Variants in PTPRT observed in about 807,000 individuals in gnomAD.
The protein encoded by PTPRT is receptor-type tyrosine-protein phosphatase T.
Under a neutral mutation model 176.8 loss-of-function variants are expected in PTPRT, and 56 were observed. That is an observed-to-expected ratio of 0.32 (90% CI 0.26 to 0.40). PTPRT has a LOEUF of 0.40. Ranked by LOEUF, PTPRT falls within the 10% of genes least tolerant of loss-of-function variation. The pLI is 1.00. For synonymous variants in PTPRT, 783 were observed against 739.0 expected, an observed-to-expected ratio of 1.06 and a Z score of -0.96; for missense variants, 1,540 against 1,908.2, an observed-to-expected ratio of 0.81 and a Z score of 3.60.
At chr20:43,166,861 TC>T (rs2014872789) in intron 1 of PTPRT, among the ~76,000 whole-genome samples, 1 of 152,206 alleles carries the variant, frequency 6.6e-6, no homozygotes, top group Non-Finnish European at 1.5e-5. Flanking sequence ...GTTTCTCCCT[TC>T]CCATCAATTC....
At chr20:43,013,900 T>C (rs931190751) in intron 1 of PTPRT, among the ~76,000 whole-genome samples, 2 of 152,212 alleles carry the variant, frequency 1.3e-5, no homozygotes, top group Admixed American at 1.3e-4. Context: ...GTTCCTGATC[T>C]ATGACATGAG....
chr20:42,407,123 C>G, intron 9 of PTPRT, among the ~76,000 whole-genome samples: 1 of 152,114 alleles, frequency 6.6e-6, no homozygotes, highest in East Asian at 1.9e-4. Context: ...TATGGGCGTA[C>G]CAATCAGAGA....
chr20:42,794,981 G>A (rs372708829), intron 2 of PTPRT, among the ~76,000 whole-genome samples: 13 of 152,194 alleles, frequency 8.5e-5, no homozygotes, highest in Admixed American at 2.6e-4. Context: ...GAGCTCAAGC[G>A]CGCCACTAGA....
intron 11 of PTPRT, among the ~76,000 whole-genome samples, chr20:42,320,798 A>G (rs567929164): frequency 6.6e-6 from 1 of 152,298 alleles, no homozygotes. Flanking sequence ...TTGAACCTCC[A>G]GTGCTGGTCA....
intron 7 of PTPRT, among the ~76,000 whole-genome samples, chr20:42,489,591 A>G (rs920745614): frequency 6.6e-6 from 1 of 152,014 alleles, no homozygotes; most frequent in African/African-American, 2.4e-5. Flanking sequence ...GTGTTCTTAG[A>G]AAATGCATCC....
intron 7 of PTPRT, among the ~76,000 whole-genome samples, chr20:42,648,545 C>T (rs1053040867): frequency 1.3e-5 from 2 of 152,080 alleles, no homozygotes; most frequent in African/African-American, 2.4e-5. Flanking sequence ...CCTAGGCCCC[C>T]GAATGTGACT....
chr20:42,103,075 T>C (rs913445984), intron 25 of PTPRT, among the ~76,000 whole-genome samples: 2 of 152,234 alleles, frequency 1.3e-5, no homozygotes, highest in Non-Finnish European at 2.9e-5. Flanking sequence ...GCCCACTGAC[T>C]TGAAGCAAGA....
At chr20:43,021,486 G>A (rs1790579335) in intron 1 of PTPRT, among the ~76,000 whole-genome samples, 1 of 152,100 alleles carries the variant, frequency 6.6e-6, no homozygotes, top group Non-Finnish European at 1.5e-5. Context: ...TCAGTTGGAT[G>A]GGGTAGGTCA....
intron 1 of PTPRT, among the ~76,000 whole-genome samples, chr20:43,119,413 A>G (rs2013175943): frequency 6.6e-6 from 1 of 152,070 alleles, no homozygotes; most frequent in African/African-American, 2.4e-5. Flanking sequence ...CTATTGTTCT[A>G]TTTTATTCAT....
At chr20:42,884,611 G>T (rs934479191) in intron 2 of PTPRT, among the ~76,000 whole-genome samples, 5 of 152,098 alleles carry the variant, frequency 3.3e-5, no homozygotes, top group Non-Finnish European at 5.9e-5. Flanking sequence ...CCATGGGAGT[G>T]GTTGAGGCCA....
At chr20:42,536,485 T>C (rs910524139) in intron 7 of PTPRT, among the ~76,000 whole-genome samples, 3 of 152,202 alleles carry the variant, frequency 2.0e-5, no homozygotes, top group African/African-American at 7.2e-5. Flanking sequence ...TACTCTACCG[T>C]AGCACATTTG....
downstream of PTPRT, among the ~76,000 whole-genome samples, chr20:42,071,752 G>T (rs1982345941): frequency 6.6e-6 from 1 of 152,150 alleles, no homozygotes; most frequent in South Asian, 2.1e-4. Context: ...AACTTCCTAG[G>T]CTCAGGCAAT....
chr20:42,967,132 C>T (rs1982343472), intron 1 of PTPRT, among the ~76,000 whole-genome samples: 2 of 152,142 alleles, frequency 1.3e-5, no homozygotes. Context: ...CTTGTAGCTA[C>T]TTAAAGACAC....
At chr20:43,052,307 T>C (rs1193147952) in intron 1 of PTPRT, among the ~76,000 whole-genome samples, 1 of 152,252 alleles carries the variant, frequency 6.6e-6, no homozygotes, top group Non-Finnish European at 1.5e-5. Context: ...ACCTGGCTAT[T>C]GTGTAAAACA....
chr20:42,300,984 G>A (rs2057459720), intron 12 of PTPRT, among the ~76,000 whole-genome samples: 1 of 151,936 alleles, frequency 6.6e-6, no homozygotes, highest in East Asian at 1.9e-4. Context: ...GGGAGGGATA[G>A]CATTGGGAGA....
At chr20:42,038,890 G>A in the PTPRT span, among the ~76,000 whole-genome samples, 1 of 152,158 alleles carries the variant, frequency 6.6e-6, no homozygotes, top group African/African-American at 2.4e-5. Flanking sequence ...GAGAGAGGGA[G>A]TCACCAGTGG....
intron 7 of PTPRT, among the ~76,000 whole-genome samples, chr20:42,501,172 C>A (rs1243813205): frequency 6.6e-6 from 1 of 152,056 alleles, no homozygotes; most frequent in African/African-American, 2.4e-5. Context: ...TTTGTATTTG[C>A]CTATTTTTGA....
chr20:42,284,512 T>A (rs1205537021), intron 12 of PTPRT, among the ~76,000 whole-genome samples: 1 of 152,056 alleles, frequency 6.6e-6, no homozygotes, highest in Admixed American at 6.6e-5. Context: ...TAAGTAACAA[T>A]CTGGATAATG....
At chr20:43,157,441 C>T (rs1159668715) in intron 1 of PTPRT, among the ~76,000 whole-genome samples, 1 of 152,054 alleles carries the variant, frequency 6.6e-6, no homozygotes, top group Non-Finnish European at 1.5e-5. Flanking sequence ...CAGACAATTA[C>T]GAGAAATATA....
Sources: allele counts gnomAD v4.1 joint callset (sites outside exome capture counted in the v4.1 genomes callset), GRCh38; gene constraint gnomAD v4.1.1; transcripts MANE v1.5; gene names NCBI Gene and HGNC (gene_info 2026-07-23, HGNC 2026-07-21).